The following SCAF4 variants were observed in gnomAD, a reference collection of about 807,000 sequenced individuals.
SCAF4 encodes the protein SR-related and CTD-associated factor 4.
SCAF4 carries 25 observed loss-of-function variants against 129.8 expected under a neutral mutation model. The ratio of observed to expected loss-of-function variants is 0.19; its 90% CI spans 0.14 to 0.27. The LOEUF (loss-of-function observed/expected upper bound fraction) is 0.27, where lower values mean the gene tolerates loss of function less well. SCAF4 is among the 10% of genes least tolerant of loss of function. The probability of loss-of-function intolerance (pLI) is 1.00; values close to 1 mark genes in which losing one functional copy is unlikely to be tolerated. For synonymous variants in SCAF4, 551 were observed against 497.7 expected (o/e 1.11, Z -1.43); for missense variants, 1,246 against 1,457.1 (o/e 0.86, Z 2.36).
In SCAF4 at chr21:31,671,293, G is replaced by A; in HGVS notation, c.*106C>T. 2 of 1,280,560 alleles carry A rather than the reference G, an allele frequency of 1.6e-6. No homozygotes were observed. Among genetic ancestry groups the A allele is most frequent in the Non-Finnish European group, 1.0e-6 (1 of 954,576 alleles). The allele number at this position is 1,280,560 out of a possible 1,614,324, so 79.3% of individuals were successfully genotyped here. On this transcript the variant is annotated 3_prime_UTR_variant, in exon 20 of 20. Transcript: ENST00000286835. The stretch of plus-strand genomic sequence containing the variant: ...AATTGCTTACAGTTCCCCACCAGCT[G>A]GCGCGGGGCTGCAGTACAGCGGGAG...
At chr21:31,700,247 A>G (rs2050492169) in intron 7 of SCAF4, among the ~76,000 whole-genome samples, 2 of 150,016 alleles carry the variant, frequency 1.3e-5, no homozygotes, top group Admixed American at 1.3e-4. Context: ...TAATACCTAT[A>G]TATTATTAAT....
At chr21:31,686,984 C>G (rs781424662) in intron 16 of SCAF4, among the ~76,000 whole-genome samples, 2 of 152,196 alleles carry the variant, frequency 1.3e-5, no homozygotes, top group Non-Finnish European at 2.9e-5. Flanking sequence ...TGCTGACACA[C>G]ATTGAATTTT....
At chr21:31,721,278 G>C (rs2051060539) in intron 1 of SCAF4, among the ~76,000 whole-genome samples, 1 of 152,148 alleles carries the variant, frequency 6.6e-6, no homozygotes, top group African/African-American at 2.4e-5. Context: ...TATTTCAACT[G>C]ATCCCTAAAC....
chr21:31,701,322 T>G, intron 6 of SCAF4, 151 bp from the exon 7 acceptor site: 1 of 592,110 alleles, frequency 1.7e-6, no homozygotes. Flanking sequence ...TGGTTAAATT[T>G]GTTGTGAATG....
At chr21:31,673,868 T>C (rs1291363268) in intron 19 of SCAF4, among the ~76,000 whole-genome samples, 1 of 152,226 alleles carries the variant, frequency 6.6e-6, no homozygotes, top group East Asian at 1.9e-4. Context: ...AGTAAAGATT[T>C]GTTTTCCAGG....
At chr21:31,720,970 G>T (rs766716394) in intron 1 of SCAF4, among the ~76,000 whole-genome samples, 1 of 152,182 alleles carries the variant, frequency 6.6e-6, no homozygotes, top group Non-Finnish European at 1.5e-5. Flanking sequence ...TGACATTTCT[G>T]TGTATTTTAC....
At chr21:31,674,201 A>C (rs1481345122) in intron 19 of SCAF4, among the ~76,000 whole-genome samples, 1 of 152,072 alleles carries the variant, frequency 6.6e-6, no homozygotes, top group Non-Finnish European at 1.5e-5. Flanking sequence ...TAAAATACAA[A>C]CCCCAGACTG....
In SCAF4 at chr21:31,697,659, C is replaced by T. The variant is rs552429637; in HGVS notation, c.778-909G>A. Among the ~76,000 whole-genome samples, 9 of 152,342 alleles carry T rather than the reference C, an allele frequency of 5.9e-5. No individual in the cohort carries two copies. The South Asian group carries it at 1.9e-3, about 32-fold the overall frequency. ...GCTCATTCTGCTTATAGACTTCAAC[C>T]TTAAATTCCTGAACCTTGTCATTCT... On this transcript the variant is annotated intron_variant, in intron 7 of 19. Coordinates refer to ENST00000286835, the MANE Select transcript of SCAF4 (RefSeq NM_020706.2).
At chr21:31,709,076 G>A (rs1183424624) in intron 1 of SCAF4, among the ~76,000 whole-genome samples, 1 of 152,172 alleles carries the variant, frequency 6.6e-6, no homozygotes, top group Non-Finnish European at 1.5e-5. Flanking sequence ...AATTTATGGA[G>A]AAGCTAGGTA....
At chr21:31,707,882 A>G (rs959833121) in intron 1 of SCAF4, among the ~76,000 whole-genome samples, 27 of 152,240 alleles carry the variant, frequency 1.8e-4, no homozygotes, top group African/African-American at 5.5e-4. Context: ...TATAATCAAT[A>G]AAAAACCAGA....
chr21:31,721,942 A>G (rs1439091912), intron 1 of SCAF4, among the ~76,000 whole-genome samples: 1 of 151,722 alleles, frequency 6.6e-6, no homozygotes, highest in Non-Finnish European at 1.5e-5. Flanking sequence ...CTGGTCTCAA[A>G]CTTCTGACCT....
chr21:31,683,012 CAT>C (rs553821149), intron 19 of SCAF4, among the ~76,000 whole-genome samples: 254 of 152,342 alleles, frequency 1.7e-3, no homozygotes, highest in African/African-American at 5.7e-3. Flanking sequence ...ACTGAACTAA[CAT>C]ATTGCATTTT....
chr21:31,693,615 G>A, intron 11 of SCAF4, 131 bp from the exon 12 acceptor site: 1 of 474,298 alleles, frequency 2.1e-6, no homozygotes, highest in East Asian at 3.5e-5. Context: ...CAATACCTGA[G>A]AATTCATTTT....
chr21:31,723,774 C>T (rs529559670), intron 1 of SCAF4, among the ~76,000 whole-genome samples: 254 of 152,262 alleles, frequency 1.7e-3, no homozygotes, highest in African/African-American at 5.8e-3. Flanking sequence ...AATATGCCAG[C>T]TATACCACTG....
In SCAF4 at chr21:31,671,402, A is replaced by G; in HGVS notation, c.3441T>C (p.Arg1147=). The change falls in exon 20 of 20, where the codon CGT becomes CGC. Residue 1147 remains arginine, a synonymous_variant. Transcript: ENST00000286835. ...ACATTTTCACAAATTCCAGTCTCTAACGAGGAGCCTCTGCTGCTGAGCCAG... is the reference window on the plus strand; with the variant it reads ...ACATTTTCACAAATTCCAGTCTCTAGCGAGGAGCCTCTGCTGCTGAGCCAG... ...KDSGSAAEAP[R] 1.2e-6 allele frequency: 2 copies of G among 1,612,970 alleles called. No individual in the cohort carries two copies. The highest frequency in any genetic ancestry group is 1.7e-6 in the Non-Finnish European group (2 of 1,179,462).
At chr21:31,677,852 T>C (rs2123472985) in intron 19 of SCAF4, among the ~76,000 whole-genome samples, 1 of 152,272 alleles carries the variant, frequency 6.6e-6, no homozygotes, top group Middle Eastern at 3.4e-3. Flanking sequence ...GGAAGGTTAT[T>C]TCATCTCCAA....
At chr21:31,691,694 TGCAC>T in intron 14 of SCAF4, 119 bp downstream of exon 14, 1 of 366,848 alleles carries the variant, frequency 2.7e-6, no homozygotes. Flanking sequence ...AAAAAAAAGA[TGCAC>T]ATGAAATGCC....
chr21:31,731,272 G>A (rs1233778055), intron 1 of SCAF4, among the ~76,000 whole-genome samples: 2 of 152,136 alleles, frequency 1.3e-5, no homozygotes, highest in South Asian at 4.1e-4. Context: ...GCCCGCCCGC[G>A]CTTCTTTCTT....
Position 31,696,617 on chromosome 21 carries a change from G to C in SCAF4, c.911C>G (p.Ala304Gly), listed in dbSNP as rs554431268. ...AGAGGCAGCAGCGGGTGCAGCAGCA[G>C]CAGGCACGGTGGCGGTGGGTGCAGG... ...VPPAPTATVPAAAAPAAASPP... is the reference protein window; with the variant it reads ...VPPAPTATVPGAAAPAAASPP... The change falls in exon 8 of 20, where the codon GCT (alanine) becomes GGT (glycine). Residue 304 changes from alanine to glycine, a missense_variant. Around this residue, in one of 6 missense-constraint regions of SCAF4, gnomAD observed 236 missense variants for 210.0 expected, o/e 1.12. Transcript: ENST00000286835. 4 of 1,613,158 alleles carry C rather than the reference G, an allele frequency of 2.5e-6. No homozygotes were observed. Among genetic ancestry groups the C allele is most frequent in the Admixed American group, 1.7e-5 (1 of 59,996 alleles).
Sources: gnomAD v4.1 joint callset for allele counts (sites outside exome capture counted in the v4.1 genomes callset) on GRCh38, gnomAD v4.1.1 for gene constraint, gnomAD v4.1.1 regional missense constraint, MANE v1.5 for transcripts, NCBI Gene and HGNC (gene_info 2026-07-23, HGNC 2026-07-21) for gene names.